The following NUBPL variants were observed in gnomAD, a reference collection of about 807,000 sequenced individuals.
NUBPL encodes iron-sulfur cluster transfer protein NUBPL.
NUBPL carries 31 observed loss-of-function variants against 45.7 expected under a neutral mutation model. The ratio of observed to expected loss-of-function variants is 0.68; its 90% CI spans 0.51 to 0.92. NUBPL has a LOEUF of 0.92. Among genes scored for constraint, NUBPL ranks in the 40% least tolerant of loss-of-function variants. The probability of loss-of-function intolerance (pLI) is 0.00; values close to 1 mark genes in which losing one functional copy is unlikely to be tolerated. For missense variants in NUBPL, 401 were observed against 398.7 expected (o/e 1.01, Z -0.05); for synonymous variants, 144 against 140.9 (o/e 1.02, Z -0.15).
intron 7 of NUBPL, among the ~76,000 whole-genome samples, chr14:31,818,749 C>T (rs1290055563): frequency 1.3e-5 from 2 of 152,100 alleles, no homozygotes; most frequent in South Asian, 2.1e-4. Context: ...GGGGTTTCAC[C>T]GTGTTAGCCA....
At chr14:31,756,736 T>G (rs1041063051) in intron 6 of NUBPL, among the ~76,000 whole-genome samples, 2 of 151,556 alleles carry the variant, frequency 1.3e-5, no homozygotes, top group Non-Finnish European at 2.9e-5. Flanking sequence ...TCCAACACTA[T>G]GTTGAATAGG....
chr14:31,702,826 C>A (rs2037368409), intron 6 of NUBPL, among the ~76,000 whole-genome samples: 1 of 152,190 alleles, frequency 6.6e-6, no homozygotes. Flanking sequence ...AAAAAATTTT[C>A]ATCTTTATGC....
intron 3 of NUBPL, among the ~76,000 whole-genome samples, chr14:31,593,016 C>A (rs2034182935): frequency 6.6e-6 from 1 of 151,818 alleles, no homozygotes; most frequent in Non-Finnish European, 1.5e-5. Context: ...GTGGATTTAA[C>A]CAACTGTGGA....
At chr14:31,852,895 G>A (rs1440967210) in intron 10 of NUBPL, among the ~76,000 whole-genome samples, 1 of 152,036 alleles carries the variant, frequency 6.6e-6, no homozygotes, top group Non-Finnish European at 1.5e-5. Flanking sequence ...TAGTCACAAC[G>A]CTCTCACCAG....
At chr14:31,620,596 G>T (rs939431034) in intron 4 of NUBPL, among the ~76,000 whole-genome samples, 1 of 152,196 alleles carries the variant, frequency 6.6e-6, no homozygotes, top group Non-Finnish European at 1.5e-5. Context: ...GTTTGCCTGG[G>T]TATCACCAGT....
chr14:31,564,990 A>G (rs772710463), intron 2 of NUBPL, 24 bp from the exon 3 acceptor site: 36 of 1,424,260 alleles, frequency 2.5e-5, no homozygotes, highest in African/African-American at 4.2e-5. Flanking sequence ...TACTAAATTC[A>G]ATTACTTTTT....
chr14:31,774,350 T>G (rs1425824807), intron 6 of NUBPL, among the ~76,000 whole-genome samples: 1 of 152,246 alleles, frequency 6.6e-6, no homozygotes, highest in African/African-American at 2.4e-5. Context: ...CTGCTTGTGG[T>G]AAACTGCTTG....
At chr14:31,799,226 C>T (rs1305777356) in intron 7 of NUBPL, among the ~76,000 whole-genome samples, 1 of 152,040 alleles carries the variant, frequency 6.6e-6, no homozygotes, top group Non-Finnish European at 1.5e-5. Flanking sequence ...GATACAACCA[C>T]CCCCACACAC....
intron 8 of NUBPL, among the ~76,000 whole-genome samples, chr14:31,837,969 T>G (rs2040308518): frequency 1.3e-5 from 2 of 152,184 alleles, no homozygotes; most frequent in Non-Finnish European, 2.9e-5. Flanking sequence ...AAGCCTTCAT[T>G]TCCACCTTCC....
At chr14:31,768,296 A>G (rs1272747648) in intron 6 of NUBPL, among the ~76,000 whole-genome samples, 1 of 152,234 alleles carries the variant, frequency 6.6e-6, no homozygotes, top group Non-Finnish European at 1.5e-5. Flanking sequence ...GCTTTAATAA[A>G]CACTTTATCC....
chr14:31,636,833 C>T (rs1285226978), intron 4 of NUBPL, among the ~76,000 whole-genome samples: 1 of 152,116 alleles, frequency 6.6e-6, no homozygotes, highest in South Asian at 2.1e-4. Flanking sequence ...GTGTATGTGT[C>T]GAGGAATTTA....
chr14:31,605,264 CTT>C (rs1394006197), intron 4 of NUBPL, among the ~76,000 whole-genome samples: 1 of 152,122 alleles, frequency 6.6e-6, no homozygotes, highest in Non-Finnish European at 1.5e-5. Flanking sequence ...ACATCTCTCT[CTT>C]AGTAGATATT....
At chr14:31,739,273 TG>T (rs1482226268) in intron 6 of NUBPL, among the ~76,000 whole-genome samples, 1 of 136,690 alleles carries the variant, frequency 7.3e-6, no homozygotes, top group African/African-American at 2.9e-5. Context: ...TTAGTAGAGA[TG>T]GGGTTTCACC....
chr14:31,627,495 T>C (rs567702447), intron 4 of NUBPL, among the ~76,000 whole-genome samples: 2 of 152,008 alleles, frequency 1.3e-5, no homozygotes, highest in African/African-American at 2.4e-5. Flanking sequence ...TTAAAAATTA[T>C]TGGCCGGGCA....
At chr14:31,619,731 T>C (rs930930130) in intron 4 of NUBPL, among the ~76,000 whole-genome samples, 12 of 152,180 alleles carry the variant, frequency 7.9e-5, no homozygotes, top group African/African-American at 2.7e-4. Context: ...TTCCTTTATT[T>C]CAACCTTGGT....
intron 4 of NUBPL, among the ~76,000 whole-genome samples, chr14:31,634,694 C>T (rs978033469): frequency 5.1e-4 from 77 of 152,270 alleles, no homozygotes; most frequent in African/African-American, 1.7e-3. Context: ...AACCAGTTTA[C>T]AGTCCCACCA....
At chr14:31,804,074 A>C (rs1339147904) in intron 7 of NUBPL, among the ~76,000 whole-genome samples, 1 of 152,132 alleles carries the variant, frequency 6.6e-6, no homozygotes, top group Middle Eastern at 3.2e-3. Flanking sequence ...TCTAAATTTA[A>C]GAAGAAATAA....
intron 6 of NUBPL, among the ~76,000 whole-genome samples, chr14:31,700,730 C>T (rs893409941): frequency 2.4e-4 from 37 of 152,246 alleles, no homozygotes; most frequent in African/African-American, 8.4e-4. Context: ...CCAGCACTGC[C>T]GGCCTGCCTG....
intron 6 of NUBPL, among the ~76,000 whole-genome samples, chr14:31,676,272 C>A (rs1324142200): frequency 6.6e-6 from 1 of 152,104 alleles, no homozygotes; most frequent in African/African-American, 2.4e-5. Context: ...ATCTGCCCGT[C>A]TCGGTCTCCC....
Sources: allele counts gnomAD v4.1 joint callset (sites outside exome capture counted in the v4.1 genomes callset), GRCh38; gene constraint gnomAD v4.1.1; transcripts MANE v1.5; gene names NCBI Gene and HGNC (gene_info 2026-07-23, HGNC 2026-07-21).